TTC17: variants seen among roughly 807,000 people sequenced by gnomAD.
TTC17 encodes tetratricopeptide repeat domain 17.
Under a neutral mutation model 143.8 loss-of-function variants are expected in TTC17, and 58 were observed. That is an observed-to-expected ratio of 0.40 (90% CI 0.33 to 0.50). The LOEUF (loss-of-function observed/expected upper bound fraction) is 0.50, where lower values mean the gene tolerates loss of function less well. TTC17 is among the 20% of genes least tolerant of loss of function. The pLI is 0.49. For missense variants in TTC17, 1,273 were observed against 1,392.5 expected, an observed-to-expected ratio of 0.91 and a Z score of 1.37; for synonymous variants, 501 against 497.8, an observed-to-expected ratio of 1.01 and a Z score of -0.09.
At chr11:43,367,714 C>CTGTGTGTGTGTG (rs3083209) in intron 1 of TTC17, among the ~76,000 whole-genome samples, 2 of 147,082 alleles carry the variant, frequency 1.4e-5, no homozygotes, top group African/African-American at 5.0e-5. Context: ...AGGGGAATGT[C>CTGTGTGTGTGTG]TGTGTGTGTG....
intron 18 of TTC17, chr11:43,444,464 C>G (rs1287430365): frequency 1.8e-5 from 5 of 272,068 alleles, no homozygotes; most frequent in African/African-American, 2.2e-5. Flanking sequence ...TGAATATTTA[C>G]ATGCTCTTTC....
intron 16 of TTC17, among the ~76,000 whole-genome samples, chr11:43,428,347 T>C (rs868515582): frequency 1.3e-5 from 2 of 152,238 alleles, no homozygotes; most frequent in Middle Eastern, 3.2e-3. Context: ...TTTTTCAATA[T>C]AATTTCTGCA....
At chr11:43,493,226 C>G (rs945224721) in intron 23 of TTC17, among the ~76,000 whole-genome samples, 1 of 152,134 alleles carries the variant, frequency 6.6e-6, no homozygotes, top group African/African-American at 2.4e-5. Context: ...GGGATCATTT[C>G]CCAATCTTTG....
chr11:43,389,895 T>C, intron 3 of TTC17, 74 bp downstream of exon 3: 1 of 1,377,562 alleles, frequency 7.3e-7, no homozygotes, highest in Non-Finnish European at 9.9e-7. Context: ...AAGAAATTAT[T>C]TCTGTAATAA....
chr11:43,360,212 CAAGT>C (rs1856042161), intron 1 of TTC17, among the ~76,000 whole-genome samples: 1 of 152,144 alleles, frequency 6.6e-6, no homozygotes, highest in Non-Finnish European at 1.5e-5. Context: ...AATTCTATCT[CAAGT>C]AAGTTAAGTA....
At chr11:43,405,741 C>T in intron 12 of TTC17, 45 bp from the exon 13 acceptor site, 1 of 1,612,306 alleles carries the variant, frequency 6.2e-7, no homozygotes, top group East Asian at 2.2e-5. Context: ...CTTGAAGTCA[C>T]CCAAACTTTG....
intron 21 of TTC17, among the ~76,000 whole-genome samples, chr11:43,470,020 GAGGATGGCTTTACAA>G (rs1417772509): frequency 6.6e-6 from 1 of 152,186 alleles, no homozygotes; most frequent in East Asian, 1.9e-4. Flanking sequence ...ACAGAGAAAT[GAGGATGGCTTTACAA>G]AATATGGACG....
At chr11:43,435,617 T>C (rs1473677539) in intron 16 of TTC17, among the ~76,000 whole-genome samples, 6 of 152,218 alleles carry the variant, frequency 3.9e-5, no homozygotes, top group Admixed American at 6.5e-5. Context: ...AAAAGAAACA[T>C]TGCAAAACAT....
intron 16 of TTC17, among the ~76,000 whole-genome samples, 180 bp from the exon 17 acceptor site, chr11:43,443,145 G>A (rs1035539595): frequency 2.0e-5 from 3 of 152,196 alleles, no homozygotes; most frequent in Non-Finnish European, 2.9e-5. Flanking sequence ...AACGCTAGAT[G>A]ACAAAGTTGG....
intron 23 of TTC17, 42 bp downstream of exon 23, chr11:43,492,205 C>G (rs1298686207): frequency 6.3e-7 from 1 of 1,580,448 alleles, no homozygotes; most frequent in South Asian, 1.2e-5. Context: ...CTCTGCCAAA[C>G]AGTAGCACAT....
chr11:43,363,715 G>C (rs966202719), intron 1 of TTC17, among the ~76,000 whole-genome samples: 1 of 152,216 alleles, frequency 6.6e-6, no homozygotes, highest in Non-Finnish European at 1.5e-5. Flanking sequence ...TCAAAGTCGT[G>C]TAACTAATGT....
chr11:43,461,241 G>T (rs190157245), intron 21 of TTC17, among the ~76,000 whole-genome samples: 1 of 151,892 alleles, frequency 6.6e-6, no homozygotes, highest in African/African-American at 2.4e-5. Context: ...AAAATTAGCC[G>T]GGCGCAGTGG....
At chr11:43,397,202 C>A in intron 6 of TTC17, 145 bp from the exon 7 acceptor site, 1 of 864,228 alleles carries the variant, frequency 1.2e-6, no homozygotes, top group South Asian at 2.1e-5. Context: ...AGATTAAGAG[C>A]CATCAATAAT....
At position 43,405,685 on chromosome 11, in the gene TTC17, G is replaced by T. The variant is rs536801718; in HGVS notation, c.1595+56G>T. ...GATTCTGCATGATTGTCATCTAGCG[G>T]TTCTTTGAGAGCACCAGCCTTGGAC... On this transcript the variant is annotated intron_variant, in intron 12 of 23. Transcript: ENST00000039989. 1.1e-5 allele frequency: 17 copies of T among 1,611,794 alleles called. No homozygotes were observed. The East Asian group carries it at 3.8e-4, about 36-fold the overall frequency.
intron 22 of TTC17, chr11:43,491,757 A>T (rs1948478045): frequency 2.2e-6 from 1 of 448,478 alleles, no homozygotes; most frequent in South Asian, 2.9e-5. Context: ...TACATTATTC[A>T]GCAGATTGTT....
In TTC17 at chr11:43,448,016, T is replaced by C. The variant is rs957747260; in HGVS notation, c.2680T>C (p.Tyr894His). The change falls in exon 19 of 24, where the codon TAC becomes CAC. Residue 894 changes from tyrosine (Y) to histidine (H), a missense_variant. By Grantham distance (83) the Tyr-to-His change is moderately conservative. This residue lies in a region of TTC17 where 878 missense variants were observed against 899.8 expected (regional missense o/e 0.98). Transcript: ENST00000039989. The part of the protein sequence containing the change: ...SPGPQGKKRD[Y>H]QRLGWPSPDE... ...TTTCCTTCCAGGAAAAAAACGTGAC[T>C]ACCAGCGTCTGGGATGGCCCAGCCC... 6.2e-7 allele frequency: 1 copy of C among 1,613,892 alleles called. No individual in the cohort carries two copies. The highest frequency in any genetic ancestry group is 8.5e-7 in the Non-Finnish European group (1 of 1,179,882).
At chr11:43,366,795 C>T (rs1176121402) in intron 1 of TTC17, among the ~76,000 whole-genome samples, 2 of 152,092 alleles carry the variant, frequency 1.3e-5, no homozygotes, top group Non-Finnish European at 2.9e-5. Context: ...GAGTACCCCA[C>T]CCTAACCCTA....
chr11:43,369,618 T>C (rs1246669356), intron 1 of TTC17, among the ~76,000 whole-genome samples: 1 of 151,626 alleles, frequency 6.6e-6, no homozygotes, highest in African/African-American at 2.4e-5. Flanking sequence ...GTTTCTGATT[T>C]CTTTTTTTTT....
intron 21 of TTC17, among the ~76,000 whole-genome samples, chr11:43,456,163 C>G (rs2134772487): frequency 6.8e-6 from 1 of 147,022 alleles, no homozygotes; most frequent in East Asian, 2.0e-4. Flanking sequence ...AGAATTGATA[C>G]TTTTCTTAGC....
Sources: gnomAD v4.1 joint callset for allele counts (sites outside exome capture counted in the v4.1 genomes callset) on GRCh38, gnomAD v4.1.1 for gene constraint, gnomAD v4.1.1 regional missense constraint, MANE v1.5 for transcripts, NCBI Gene and HGNC (gene_info 2026-07-23, HGNC 2026-07-21) for gene names.